The following JPH3 variants were observed in gnomAD, a reference collection of about 807,000 sequenced individuals.
JPH3 encodes the protein junctophilin 3.
Under a neutral mutation model 59.6 loss-of-function variants are expected in JPH3, and 11 were observed. That is an observed-to-expected ratio of 0.18 (90% CI 0.12 to 0.31). The LOEUF is 0.31. JPH3 is among the 10% of genes least tolerant of loss of function. The pLI, the probability that JPH3 is intolerant of heterozygous loss-of-function variation, is 1.00. For synonymous variants in JPH3, 673 were observed against 483.6 expected, an observed-to-expected ratio of 1.39 and a Z score of -5.14; for missense variants, 1,202 against 1,105.7, an observed-to-expected ratio of 1.09 and a Z score of -1.24.
At chr16:87,682,466 G>A (rs2150873818) in intron 2 of JPH3, among the ~76,000 whole-genome samples, 1 of 152,232 alleles carries the variant, frequency 6.6e-6, no homozygotes, top group Middle Eastern at 3.4e-3. Flanking sequence ...GCTGAGGACT[G>A]AGCCTCATAG....
chr16:87,644,574 C>T lies in JPH3; in HGVS notation c.699C>T (p.Ser233=), dbSNP rs1437191511. The T allele has an allele frequency of 1.9e-6, 3 of 1,612,850 alleles. No individual in the cohort carries two copies. Among genetic ancestry groups the T allele is most frequent in the Non-Finnish European group, 2.5e-6 (3 of 1,179,806 alleles). ...LKLRKSESKS[S]LASQRSKQSS... ...TGCGCAAGTCGGAGTCCAAGAGCAGCCTGGCCAGCCAACGCAGCAAGCAGA... is the reference window on the plus strand; with the variant it reads ...TGCGCAAGTCGGAGTCCAAGAGCAGTCTGGCCAGCCAACGCAGCAAGCAGA... The change falls in exon 2 of 5, where the codon AGC becomes AGT. Residue 233 remains serine (S), a synonymous_variant. Coordinates refer to ENST00000284262, the MANE Select transcript of JPH3 (RefSeq NM_020655.4).
intron 1 of JPH3, chr16:87,604,738 T>C: frequency 1.0e-6 from 1 of 984,014 alleles, no homozygotes; most frequent in Non-Finnish European, 1.3e-6. Context: ...TGGAGAGTAA[T>C]TATTATTTTG....
intron 2 of JPH3, among the ~76,000 whole-genome samples, chr16:87,645,283 A>G (rs2032108655): frequency 6.6e-6 from 1 of 152,170 alleles, no homozygotes; most frequent in Non-Finnish European, 1.5e-5. Context: ...GCCTCCTTAA[A>G]CTGAGCAGTG....
At chr16:87,604,131 G>A in intron 1 of JPH3, 1 of 1,345,268 alleles carries the variant, frequency 7.4e-7, no homozygotes, top group South Asian at 1.4e-5. Flanking sequence ...GGCTGCTGGA[G>A]GGAGGAGGGA....
intron 1 of JPH3, 97 bp downstream of exon 1, chr16:87,603,625 G>T: frequency 7.0e-7 from 1 of 1,418,828 alleles, no homozygotes. Flanking sequence ...TGCGTCCTCC[G>T]GTTGGGCCGT....
chr16:87,663,334 C>A (rs1047451293), intron 2 of JPH3, among the ~76,000 whole-genome samples: 1 of 152,194 alleles, frequency 6.6e-6, no homozygotes, highest in African/African-American at 2.4e-5. Flanking sequence ...TCTCAAACTC[C>A]TGACCTCAAG....
intron 2 of JPH3, among the ~76,000 whole-genome samples, chr16:87,660,900 T>G (rs1039901877): frequency 6.6e-6 from 1 of 152,224 alleles, no homozygotes; most frequent in African/African-American, 2.4e-5. Context: ...GACTCAGTTT[T>G]CTCATCTGTC....
chr16:87,665,991 T>C (rs1358957449), intron 2 of JPH3, among the ~76,000 whole-genome samples: 1 of 152,146 alleles, frequency 6.6e-6, no homozygotes, highest in African/African-American at 2.4e-5. Flanking sequence ...AACCAGGGTG[T>C]GCAGAGGCCC....
intron 2 of JPH3, among the ~76,000 whole-genome samples, chr16:87,672,402 C>T (rs576138637): frequency 6.6e-6 from 1 of 152,340 alleles, no homozygotes; most frequent in South Asian, 2.1e-4. Flanking sequence ...CCAGCCGCGC[C>T]CTTGGCAGGG....
At chr16:87,674,069 T>G (rs1597281755) in intron 2 of JPH3, among the ~76,000 whole-genome samples, 1 of 149,602 alleles carries the variant, frequency 6.7e-6, no homozygotes, top group Admixed American at 6.7e-5. Flanking sequence ...GCGCAGTGGC[T>G]CACGCCTGTA....
At chr16:87,652,594 G>T (rs1274554018) in intron 2 of JPH3, among the ~76,000 whole-genome samples, 1 of 152,248 alleles carries the variant, frequency 6.6e-6, no homozygotes, top group African/African-American at 2.4e-5. Flanking sequence ...CTTCCGAGTA[G>T]CGTGTGGGGA....
intron 1 of JPH3, among the ~76,000 whole-genome samples, chr16:87,610,919 A>G (rs553662813): frequency 3.9e-5 from 6 of 152,308 alleles, no homozygotes; most frequent in Admixed American, 1.3e-4. Flanking sequence ...TTAATTCCTC[A>G]CTATCTTTTT....
At chr16:87,691,798 C>T (rs775694479) in intron 4 of JPH3, among the ~76,000 whole-genome samples, 9 of 152,102 alleles carry the variant, frequency 5.9e-5, no homozygotes, top group South Asian at 2.1e-4. Flanking sequence ...AAAATACCAG[C>T]TCACACTTAC....
rs1210941749 is a variant in JPH3, at chr16:87,644,562, G to T, written c.687G>T (p.Glu229Asp). ...GTGGGCTGAAGCTGCGCAAGTCGGA[G>T]TCCAAGAGCAGCCTGGCCAGCCAAC... ...LLSGLKLRKS[E>D]SKSSLASQRS... The change falls in exon 2 of 5, where the codon GAG becomes GAT. Residue 229 changes from glutamate (E) to aspartate (D), a missense_variant. Physicochemically the swap from Glu to Asp is conservative, Grantham distance 45. Coordinates refer to ENST00000284262, the MANE Select transcript of JPH3 (RefSeq NM_020655.4). The T allele has an allele frequency of 6.2e-7, 1 of 1,612,760 alleles. No individual in the cohort carries two copies. Among genetic ancestry groups the T allele is most frequent in the Non-Finnish European group, 8.5e-7 (1 of 1,179,830 alleles).
At chr16:87,664,885 G>C (rs534935160) in intron 2 of JPH3, among the ~76,000 whole-genome samples, 1 of 152,130 alleles carries the variant, frequency 6.6e-6, no homozygotes, top group South Asian at 2.1e-4. Context: ...AGCGTCATGA[G>C]GACCCAGGTC....
intron 3 of JPH3, among the ~76,000 whole-genome samples, chr16:87,687,715 C>T (rs1042467114): frequency 6.6e-5 from 10 of 152,222 alleles, no homozygotes; most frequent in African/African-American, 2.4e-4. Context: ...GCAGCTCATT[C>T]TAGCTGAGGG....
chr16:87,641,762 T>C (rs1009986556), intron 1 of JPH3, among the ~76,000 whole-genome samples: 1 of 152,214 alleles, frequency 6.6e-6, no homozygotes, highest in Non-Finnish European at 1.5e-5. Flanking sequence ...GCCTGATTGG[T>C]GATCTTTGCA....
Position 87,644,484 on chromosome 16 carries a change from C to G in JPH3, c.609C>G (p.Asp203Glu). Reference protein sequence around the residue: ...RGGFVLVAHSDSEILKSKKKG... With the variant: ...RGGFVLVAHSESEILKSKKKG... ...GCTTCGTGCTCGTGGCCCACAGTGA[C>G]TCCGAGATCCTCAAGAGCAAGAAGA... is the stretch of plus-strand genomic sequence containing the variant. Residue 203 changes from aspartate to glutamate, a missense_variant, in exon 2 of 5, where the codon GAC (aspartate) becomes GAG (glutamate). Transcript: ENST00000284262. 3 of 1,612,906 alleles carry G rather than the reference C, an allele frequency of 1.9e-6. No homozygotes were observed. The highest frequency in any genetic ancestry group is 2.5e-6 in the Non-Finnish European group (3 of 1,179,840).
At chr16:87,653,548 G>A (rs1018267582) in intron 2 of JPH3, 6 of 152,088 alleles carry the variant, frequency 3.9e-5, no homozygotes, top group African/African-American at 1.4e-4. Flanking sequence ...AAATGGAGGG[G>A]GATATTTTTA....
Sources: allele counts gnomAD v4.1 joint callset (sites outside exome capture counted in the v4.1 genomes callset), GRCh38; gene constraint gnomAD v4.1.1; transcripts MANE v1.5; gene names NCBI Gene and HGNC (gene_info 2026-07-23, HGNC 2026-07-21).